GPR158: variants seen among roughly 807,000 people sequenced by gnomAD.
The protein encoded by GPR158 is G protein-coupled receptor 158.
Under a neutral mutation model 78.2 loss-of-function variants are expected in GPR158, and 30 were observed. The observed-to-expected ratio is 0.38, with a 90% CI of 0.29 to 0.52. The LOEUF (loss-of-function observed/expected upper bound fraction) is 0.52. Among genes scored for constraint, GPR158 ranks in the 20% least tolerant of loss-of-function variants. The pLI, the probability that GPR158 is intolerant of heterozygous loss-of-function variation, is 0.83. For missense variants in GPR158, 1,463 were observed against 1,523.5 expected, an observed-to-expected ratio of 0.96 and a Z score of 0.66; for synonymous variants, 581 against 591.1, an observed-to-expected ratio of 0.98 and a Z score of 0.25.
rs535079348 is a variant in GPR158, at chr10:25,239,462, G to A, written c.1008+18305G>A. On this transcript the variant is annotated intron_variant, in intron 2 of 10. Coordinates refer to ENST00000376351, the MANE Select transcript of GPR158 (RefSeq NM_020752.3). ...TCTCTGCTAAAAATACAAAAAATGA[G>A]CCGGGCATGGTGGCAGGCACCTGTA... is the stretch of plus-strand genomic sequence containing the variant. 5.9e-5 allele frequency among the ~76,000 whole-genome samples: 9 copies of A among 152,144 alleles called. No homozygotes were observed. In the South Asian group the frequency reaches 1.9e-3, roughly 32 times the overall value.
At chr10:25,546,471 T>A (rs1000922106) in intron 5 of GPR158, among the ~76,000 whole-genome samples, 2 of 151,966 alleles carry the variant, frequency 1.3e-5, no homozygotes, top group African/African-American at 4.9e-5. Context: ...TTTGACACTA[T>A]ATTCCCTTTT....
chr10:25,423,083 ATG>A (rs1834773217), intron 4 of GPR158, among the ~76,000 whole-genome samples: 2 of 146,876 alleles, frequency 1.4e-5, no homozygotes, highest in African/African-American at 5.0e-5. Context: ...GTGTATATAT[ATG>A]TATGTGTGTG....
intron 2 of GPR158, among the ~76,000 whole-genome samples, chr10:25,336,783 T>C (rs1190707632): frequency 1.3e-5 from 2 of 152,062 alleles, no homozygotes; most frequent in East Asian, 1.9e-4. Context: ...AAGAGTGAGA[T>C]GAAGGAAAGC....
At chr10:25,351,438 G>T (rs1046518947) in intron 2 of GPR158, among the ~76,000 whole-genome samples, 3 of 149,742 alleles carry the variant, frequency 2.0e-5, no homozygotes, top group Admixed American at 6.7e-5. Flanking sequence ...GGGTGGGGGG[G>T]TGCTGGAAAT....
At chr10:25,497,007 G>T (rs1835890400) in intron 5 of GPR158, among the ~76,000 whole-genome samples, 3 of 152,130 alleles carry the variant, frequency 2.0e-5, no homozygotes, top group African/African-American at 7.2e-5. Context: ...ATCTGAGCTT[G>T]GACAGGTGAC....
intron 2 of GPR158, among the ~76,000 whole-genome samples, chr10:25,392,342 T>C (rs1576321): frequency 0.65 from 98,133 of 151,994 alleles, 32,642 homozygotes; most frequent in Non-Finnish European, 0.73. Context: ...TGCTCCACAC[T>C]TGGCTTGCCC....
chr10:25,545,566 T>C (rs760873157), intron 5 of GPR158, among the ~76,000 whole-genome samples: 4 of 152,174 alleles, frequency 2.6e-5, no homozygotes, highest in Non-Finnish European at 4.4e-5. Flanking sequence ...TTATAGATAA[T>C]ATTTTTAATG....
rs1230220512 is a variant in GPR158 at position 25,444,389 on chromosome 10, TG to T, written c.1336-22257del. On this transcript the variant is annotated intron_variant, in intron 4 of 10. Coordinates refer to ENST00000376351, the MANE Select transcript of GPR158 (RefSeq NM_020752.3). The stretch of plus-strand genomic sequence containing the variant: ...GGTAGTTGTGTGTGGTAGGTGTGTA[TG>T]GGGGTGTCGTGTATGTGGGTGAGTG... Among the ~76,000 whole-genome samples the T allele has an allele frequency of 6.7e-5, 10 of 150,316 alleles. No homozygotes were observed. The East Asian group carries it at 7.8e-4, about 12-fold the overall frequency.
At chr10:25,358,128 C>A (rs546868746) in intron 2 of GPR158, among the ~76,000 whole-genome samples, 1 of 152,060 alleles carries the variant, frequency 6.6e-6, no homozygotes, top group Non-Finnish European at 1.5e-5. Flanking sequence ...CCCAATGTCT[C>A]CCATTTACTA....
rs146449860 is a variant in GPR158, at chr10:25,311,799, C to G, written c.1009-84112C>G. Among the ~76,000 whole-genome samples, 882 of 151,154 alleles carry G rather than the reference C, an allele frequency of 5.8e-3. 5 individuals carry two copies. The highest frequency in any genetic ancestry group is 0.018 in the African/African-American group (748 of 40,828). On this transcript the variant is annotated intron_variant, in intron 2 of 10. Transcript: ENST00000376351. ...ATGTTCATTAATTTTTTTAAAAGGA[C>G]AGTGGTAATCCATTTTTTACAGTTA...
intron 2 of GPR158, among the ~76,000 whole-genome samples, chr10:25,293,468 C>G (rs1854468712): frequency 6.6e-6 from 1 of 152,158 alleles, no homozygotes; most frequent in Non-Finnish European, 1.5e-5. Flanking sequence ...GCATGGCTAT[C>G]AAATATTTGT....
intron 7 of GPR158, among the ~76,000 whole-genome samples, chr10:25,585,219 G>A (rs553083546): frequency 6.6e-6 from 1 of 152,328 alleles, no homozygotes; most frequent in South Asian, 2.1e-4. Context: ...AATGTTAGAT[G>A]GAGGGGCAAG....
At chr10:25,540,708 C>T (rs1443291548) in intron 5 of GPR158, among the ~76,000 whole-genome samples, 1 of 151,494 alleles carries the variant, frequency 6.6e-6, no homozygotes, top group Non-Finnish European at 1.5e-5. Flanking sequence ...AACCAAACAC[C>T]ACATGTTCTC....
chr10:25,476,531 A>G (rs1007393531), intron 5 of GPR158, among the ~76,000 whole-genome samples: 2 of 16,028 alleles, frequency 1.2e-4, no homozygotes, highest in African/African-American at 7.0e-4. Context: ...AAGAATTGCA[A>G]AAGTATTAGA....
At chr10:25,359,855 TTAAC>T (rs1278924241) in intron 2 of GPR158, among the ~76,000 whole-genome samples, 1 of 152,180 alleles carries the variant, frequency 6.6e-6, no homozygotes, top group Admixed American at 6.6e-5. Context: ...TCACAATGGT[TTAAC>T]TAATTTACAC....
In GPR158 at chr10:25,596,806, A is replaced by C; in HGVS notation, c.2145+17A>C. The C allele has an allele frequency of 6.2e-7, 1 of 1,606,856 alleles. No individual in the cohort carries two copies. The highest frequency in any genetic ancestry group is 8.5e-7 in the Non-Finnish European group (1 of 1,174,996). On this transcript the variant is annotated intron_variant, in intron 10 of 10. Transcript: ENST00000376351. The stretch of plus-strand genomic sequence containing the variant: ...GACATTCGGGTAATGCCAGTACTCT[A>C]TCTTTCTTCCTATTTCAGATTAGCC...
At position 25,241,346 on chromosome 10, in the gene GPR158, TTC is replaced by T. The variant is rs1178646717; in HGVS notation, c.1008+20193_1008+20194del. Among the ~76,000 whole-genome samples the T allele has an allele frequency of 1.1e-4, 14 of 132,454 alleles. No individual in the cohort carries two copies. The South Asian group carries it at 1.2e-3, about 11-fold the overall frequency. 86.9% of individuals were successfully genotyped at this position (132,454 alleles called of 152,430 possible). ...CTTCTCTTCTCTTCTCTTTTCTCTTTTCTCTTTTCTTTTCTCTTTTCTTTTCT... is the reference window on the plus strand; with the variant it reads ...CTTCTCTTCTCTTCTCTTTTCTCTTTTCTTTTCTTTTCTCTTTTCTTTTCT... On this transcript the variant is annotated intron_variant, in intron 2 of 10. Transcript: ENST00000376351.
At chr10:25,200,880 T>TTG (rs1852917110) in intron 1 of GPR158, among the ~76,000 whole-genome samples, 1 of 150,580 alleles carries the variant, frequency 6.6e-6, no homozygotes, top group South Asian at 2.1e-4. Flanking sequence ...TTTTTTTTTT[T>TTG]TTTTTTTCAG....
intron 5 of GPR158, among the ~76,000 whole-genome samples, chr10:25,493,420 T>A (rs1835837465): frequency 6.6e-6 from 1 of 152,150 alleles, no homozygotes. Context: ...GAAGATAGGA[T>A]GTTTTCTGAA....
Sources: gnomAD v4.1 joint callset for allele counts (sites outside exome capture counted in the v4.1 genomes callset) on GRCh38, gnomAD v4.1.1 for gene constraint, MANE v1.5 for transcripts, NCBI Gene and HGNC (gene_info 2026-07-23, HGNC 2026-07-21) for gene names.